Variants in ESRRG observed in about 807,000 individuals in gnomAD.
The protein encoded by ESRRG is estrogen related receptor gamma.
ESRRG carries 13 observed loss-of-function variants against 44.0 expected under a neutral mutation model. That is an observed-to-expected ratio of 0.30 (90% CI 0.19 to 0.47). The LOEUF is 0.47. Among genes scored for constraint, ESRRG ranks in the 20% least tolerant of loss-of-function variants. ESRRG has a pLI of 1.00. For synonymous variants in ESRRG, 215 were observed against 214.6 expected, an observed-to-expected ratio of 1.00 and a Z score of -0.02; for missense variants, 395 against 580.6, an observed-to-expected ratio of 0.68 and a Z score of 3.29.
At chr1:216,742,634 G>A (rs1406024356) in intron 2 of ESRRG, among the ~76,000 whole-genome samples, 1 of 151,476 alleles carries the variant, frequency 6.6e-6, no homozygotes, top group Non-Finnish European at 1.5e-5. Flanking sequence ...ACAGCTAAAT[G>A]AATGACTGAT....
intron 2 of ESRRG, among the ~76,000 whole-genome samples, chr1:216,779,751 C>G (rs12064264): frequency 0.22 from 32,408 of 148,712 alleles, 3,785 homozygotes; most frequent in Admixed American, 0.3. Flanking sequence ...TTTGGGATCA[C>G]AAAAGGGAAG....
chr1:216,986,354 G>A (rs2074861867), intron 1 of ESRRG, among the ~76,000 whole-genome samples: 1 of 144,894 alleles, frequency 6.9e-6, no homozygotes. Flanking sequence ...GTCTGAGAAT[G>A]CAGATTCAGA....
chr1:216,697,026 C>T (rs1457379955), intron 1 of ESRRG, among the ~76,000 whole-genome samples: 1 of 151,558 alleles, frequency 6.6e-6, no homozygotes, highest in African/African-American at 2.4e-5. Flanking sequence ...AGTGCAGTGG[C>T]ATGATCCTGG....
At chr1:216,755,940 C>T (rs1030877299) in intron 2 of ESRRG, among the ~76,000 whole-genome samples, 1 of 151,966 alleles carries the variant, frequency 6.6e-6, no homozygotes, top group African/African-American at 2.4e-5. Context: ...TGTTGCCTGA[C>T]CCTGGCCCCC....
intron 3 of ESRRG, among the ~76,000 whole-genome samples, chr1:216,576,578 G>C (rs995210505): frequency 6.6e-6 from 1 of 151,986 alleles, no homozygotes; most frequent in Non-Finnish European, 1.5e-5. Context: ...CTGTGCATAG[G>C]ACATAACCCC....
chr1:216,839,563 G>A (rs993453432), intron 2 of ESRRG, among the ~76,000 whole-genome samples: 2 of 152,134 alleles, frequency 1.3e-5, no homozygotes, highest in Non-Finnish European at 2.9e-5. Flanking sequence ...ATTATAAAAG[G>A]CATTTATTAA....
intron 1 of ESRRG, among the ~76,000 whole-genome samples, chr1:216,973,362 T>C (rs1368958427): frequency 6.6e-6 from 1 of 152,138 alleles, no homozygotes; most frequent in African/African-American, 2.4e-5. Flanking sequence ...CTCGCTTTAC[T>C]TGAACATACC....
At chr1:216,510,868 C>T (rs1396622502) in intron 6 of ESRRG, among the ~76,000 whole-genome samples, 4 of 151,610 alleles carry the variant, frequency 2.6e-5, no homozygotes, top group Admixed American at 6.6e-5. Flanking sequence ...AGCCAGACTC[C>T]GTCTCAAAAA....
intron 2 of ESRRG, among the ~76,000 whole-genome samples, chr1:216,868,514 G>T (rs1180216792): frequency 6.6e-6 from 1 of 152,104 alleles, no homozygotes; most frequent in Admixed American, 6.5e-5. Flanking sequence ...TACAAATAGC[G>T]CTGGTATAAA....
intron 2 of ESRRG, among the ~76,000 whole-genome samples, chr1:216,890,121 T>C (rs1382844358): frequency 6.6e-6 from 1 of 151,884 alleles, no homozygotes; most frequent in African/African-American, 2.4e-5. Flanking sequence ...AAAAATTAGC[T>C]GTATGTGCTG....
At chr1:216,831,680 A>G (rs1449133811) in intron 2 of ESRRG, among the ~76,000 whole-genome samples, 2 of 152,208 alleles carry the variant, frequency 1.3e-5, no homozygotes, top group East Asian at 3.8e-4. Flanking sequence ...TAAATACAAC[A>G]TGATATGCAT....
intron 1 of ESRRG, among the ~76,000 whole-genome samples, chr1:217,113,013 A>C (rs2092676981): frequency 6.6e-6 from 1 of 152,248 alleles, no homozygotes; most frequent in South Asian, 2.1e-4. Context: ...AGTGCCAATA[A>C]GTCATGGGAA....
At chr1:216,944,592 T>C (rs987595989) in intron 1 of ESRRG, among the ~76,000 whole-genome samples, 9 of 152,114 alleles carry the variant, frequency 5.9e-5, no homozygotes, top group African/African-American at 1.9e-4. Flanking sequence ...AAGGCTATGT[T>C]GATGAAGATC....
intron 1 of ESRRG, among the ~76,000 whole-genome samples, chr1:217,117,777 T>C (rs1255846977): frequency 2.6e-5 from 4 of 152,150 alleles, no homozygotes; most frequent in South Asian, 4.1e-4. Context: ...TAATCTTCAC[T>C]AAATGACATC....
chr1:216,557,533 T>C (rs1219036703), intron 5 of ESRRG, among the ~76,000 whole-genome samples: 2 of 152,162 alleles, frequency 1.3e-5, no homozygotes, highest in South Asian at 4.1e-4. Flanking sequence ...GGTTTACTCA[T>C]CTATAAAGTG....
At chr1:216,620,013 T>C (rs2061969321) in intron 3 of ESRRG, among the ~76,000 whole-genome samples, 1 of 152,148 alleles carries the variant, frequency 6.6e-6, no homozygotes, top group Admixed American at 6.5e-5. Context: ...AACATAATCC[T>C]GTTATTAGGT....
rs150629504 is a variant in ESRRG at position 216,651,236 on chromosome 1, C to T, written c.473-147G>A. The T allele has an allele frequency of 5.0e-5, 32 of 636,464 alleles. 1 individual carries two copies. The highest frequency in any genetic ancestry group is 4.5e-4 in the African/African-American group (25 of 55,020). The allele number at this position is 636,464 out of a possible 1,614,324, so 39.4% of individuals were successfully genotyped here. On this transcript the variant is annotated intron_variant, in intron 2 of 6. Transcript: ENST00000408911. ...TCAAGAGAAATGTCATAAATATCAT[C>T]AAGCTGGATGCTCTGCTATAATCAC...
At chr1:217,046,911 A>T (rs994975095) in intron 1 of ESRRG, among the ~76,000 whole-genome samples, 2 of 152,058 alleles carry the variant, frequency 1.3e-5, no homozygotes, top group African/African-American at 4.8e-5. Flanking sequence ...GGAATGGAAG[A>T]TATGCAACAT....
intron 2 of ESRRG, among the ~76,000 whole-genome samples, chr1:216,847,870 T>C (rs560853167): frequency 2.0e-5 from 3 of 152,258 alleles, no homozygotes; most frequent in African/African-American, 7.2e-5. Flanking sequence ...TACAATAATA[T>C]GTTCAGGGAG....
Sources: gnomAD v4.1 joint callset for allele counts (sites outside exome capture counted in the v4.1 genomes callset) on GRCh38, gnomAD v4.1.1 for gene constraint, MANE v1.5 for transcripts, NCBI Gene and HGNC (gene_info 2026-07-23, HGNC 2026-07-21) for gene names.